Variants in ARSB observed in about 807,000 individuals in gnomAD.
ARSB encodes N-acetylgalactosamine-4-sulfatase.
Under a neutral mutation model 50.9 loss-of-function variants are expected in ARSB, and 41 were observed. The observed-to-expected ratio is 0.81, with a 90% CI of 0.63 to 1.04. The LOEUF is 1.04. Ranked by LOEUF, ARSB falls within the 50% of genes least tolerant of loss-of-function variation. The probability of loss-of-function intolerance (pLI) is 0.00; values close to 1 mark genes in which losing one functional copy is unlikely to be tolerated. For missense variants in ARSB, 672 were observed against 693.3 expected, an observed-to-expected ratio of 0.97 and a Z score of 0.35; for synonymous variants, 269 against 284.8, an observed-to-expected ratio of 0.94 and a Z score of 0.56.
chr5:78,907,201 T>C (rs55661999), intron 4 of ARSB, among the ~76,000 whole-genome samples: 32,538 of 152,178 alleles, frequency 0.21, 4,580 homozygotes, highest in Admixed American at 0.38. Flanking sequence ...GCACTTTCCA[T>C]CAGAGGGCAA....
intron 5 of ARSB, among the ~76,000 whole-genome samples, chr5:78,862,295 C>T (rs1400041893): frequency 6.6e-6 from 1 of 152,090 alleles, no homozygotes; most frequent in Non-Finnish European, 1.5e-5. Context: ...CAAAAAAAGC[C>T]CGCGTTGCCA....
At chr5:78,923,034 C>T (rs1251027642) in intron 4 of ARSB, among the ~76,000 whole-genome samples, 1 of 152,138 alleles carries the variant, frequency 6.6e-6, no homozygotes, top group African/African-American at 2.4e-5. Flanking sequence ...ATTATCTTTG[C>T]TTGGACCAAA....
chr5:78,980,940 T>TGAATTTACCAGTAACTACTTACCCCATC (rs1259603081), intron 1 of ARSB, among the ~76,000 whole-genome samples: 4 of 44,782 alleles, frequency 8.9e-5, no homozygotes, highest in African/African-American at 2.1e-4. Flanking sequence ...TTCTAGTTCT[T>TGAATTTACCAGTAACTACTTACCCCATC]TTTTTTTTTT....
intron 6 of ARSB, among the ~76,000 whole-genome samples, chr5:78,818,758 C>T (rs1234682251): frequency 6.6e-6 from 1 of 151,972 alleles, no homozygotes; most frequent in East Asian, 1.9e-4. Flanking sequence ...GCTGGGACTT[C>T]AGGCGCCCGC....
Position 78,866,237 on chromosome 5 carries a change from G to A in ARSB, c.1142+19347C>T, listed in dbSNP as rs138096365. 3.0e-3 allele frequency among the ~76,000 whole-genome samples: 463 copies of A among 152,302 alleles called. 1 individual carries two copies. Among genetic ancestry groups the A allele is most frequent in the Middle Eastern group, 0.01 (3 of 294 alleles). On this transcript the variant is annotated intron_variant, in intron 5 of 7. Transcript: ENST00000264914. ...CTGGGGAGGCCTCACAGTCATGGTG[G>A]AAGGCAAGGAGGAGCCAGTCACGTT...
At position 78,780,321 on chromosome 5, in the gene ARSB, C is replaced by T. The variant is rs1339629559; in HGVS notation, c.*76G>A. On this transcript the variant is annotated 3_prime_UTR_variant, in exon 8 of 8. Coordinates refer to ENST00000264914, the MANE Select transcript of ARSB (RefSeq NM_000046.5). Reference sequence around the variant, plus strand: ...GCCAAGTGAACCCAGGTTGGGATAACAAATGAGACAAGAGTCGTGAGAAAA... The same window carrying T: ...GCCAAGTGAACCCAGGTTGGGATAATAAATGAGACAAGAGTCGTGAGAAAA... The T allele has an allele frequency of 1.2e-6, 2 of 1,604,394 alleles. No homozygotes were observed. Among genetic ancestry groups the T allele is most frequent in the Admixed American group, 1.7e-5 (1 of 59,948 alleles).
At chr5:78,837,378 T>C (rs543943758) in intron 6 of ARSB, among the ~76,000 whole-genome samples, 8 of 152,308 alleles carry the variant, frequency 5.3e-5, no homozygotes, top group Admixed American at 2.0e-4. Flanking sequence ...CTTAGAGACT[T>C]TGATATGACT....
chr5:78,946,395 A>C (rs1751232018), intron 4 of ARSB, among the ~76,000 whole-genome samples: 1 of 152,258 alleles, frequency 6.6e-6, no homozygotes, highest in African/African-American at 2.4e-5. Context: ...AATTCAGTAA[A>C]GTTACAAGAT....
At chr5:78,933,570 T>C (rs550294267) in intron 4 of ARSB, among the ~76,000 whole-genome samples, 1 of 152,308 alleles carries the variant, frequency 6.6e-6, no homozygotes, top group East Asian at 1.9e-4. Flanking sequence ...AGCTGCCTTG[T>C]GGATGGGGAC....
chr5:78,881,929 G>A (rs55765623), intron 5 of ARSB, among the ~76,000 whole-genome samples: 44,482 of 152,112 alleles, frequency 0.29, 7,059 homozygotes, highest in Middle Eastern at 0.41. Flanking sequence ...AGAGGAAATC[G>A]TTCATTTTTA....
intron 4 of ARSB, among the ~76,000 whole-genome samples, chr5:78,937,505 T>C (rs1485390363): frequency 6.7e-6 from 1 of 148,986 alleles, no homozygotes; most frequent in African/African-American, 2.5e-5. Context: ...AAGGCCACAG[T>C]GCTCTCTTCT....
chr5:78,876,510 C>T (rs1003456750), intron 5 of ARSB, among the ~76,000 whole-genome samples: 1 of 152,152 alleles, frequency 6.6e-6, no homozygotes, highest in Admixed American at 6.5e-5. Flanking sequence ...AAAAACAAAG[C>T]AGGTGAGTTT....
intron 6 of ARSB, among the ~76,000 whole-genome samples, chr5:78,798,404 G>A (rs990661547): frequency 4.7e-5 from 7 of 148,844 alleles, no homozygotes; most frequent in South Asian, 2.1e-4. Context: ...AAAAAAAAAA[G>A]GGAAACTAAA....
At chr5:78,849,591 T>A (rs1199029584) in intron 5 of ARSB, among the ~76,000 whole-genome samples, 1 of 152,104 alleles carries the variant, frequency 6.6e-6, no homozygotes, top group Non-Finnish European at 1.5e-5. Flanking sequence ...TTTCCAATTC[T>A]GTGAAGAAAG....
intron 6 of ARSB, among the ~76,000 whole-genome samples, chr5:78,818,028 G>C (rs1744066079): frequency 6.6e-6 from 1 of 151,806 alleles, no homozygotes; most frequent in South Asian, 2.1e-4. Flanking sequence ...CGTACCTGTG[G>C]TCCCAGCTAC....
chr5:78,915,407 T>C (rs988068755), intron 4 of ARSB, among the ~76,000 whole-genome samples: 3 of 152,138 alleles, frequency 2.0e-5, no homozygotes, highest in East Asian at 3.9e-4. Flanking sequence ...TTGAGGATCG[T>C]GATTAGGAAA....
At chr5:78,855,092 G>A (rs1329614310) in intron 5 of ARSB, among the ~76,000 whole-genome samples, 1 of 152,200 alleles carries the variant, frequency 6.6e-6, no homozygotes, top group Non-Finnish European at 1.5e-5. Flanking sequence ...GGACACTAGA[G>A]CTGTTTGGCC....
intron 5 of ARSB, among the ~76,000 whole-genome samples, chr5:78,841,379 A>G (rs1292733065): frequency 6.6e-6 from 1 of 152,106 alleles, no homozygotes; most frequent in Non-Finnish European, 1.5e-5. Context: ...AATCCTGGAA[A>G]ATAATAGCAA....
Position 78,852,437 on chromosome 5 carries a change from G to C in ARSB, c.1143-13011C>G, listed in dbSNP as rs535740168. Among the ~76,000 whole-genome samples, 352 of 152,340 alleles carry C rather than the reference G, an allele frequency of 2.3e-3. 4 individuals carry two copies. Among genetic ancestry groups the C allele is most frequent in the Middle Eastern group, 3.4e-3 (1 of 294 alleles). On this transcript the variant is annotated intron_variant, in intron 5 of 7. Coordinates refer to ENST00000264914, the MANE Select transcript of ARSB (RefSeq NM_000046.5). ...CTGCCAAGAGATCTGCTGTTAGTCT[G>C]ATGGGCTTCCCTTTGTGGGTAACCC...
Sources: gnomAD v4.1 joint callset for allele counts (sites outside exome capture counted in the v4.1 genomes callset) on GRCh38, gnomAD v4.1.1 for gene constraint, MANE v1.5 for transcripts, NCBI Gene and HGNC (gene_info 2026-07-23, HGNC 2026-07-21) for gene names.